AGK: variants seen among roughly 807,000 people sequenced by gnomAD.
AGK encodes acylglycerol kinase, mitochondrial.
Under a neutral mutation model 66.4 loss-of-function variants are expected in AGK, and 52 were observed. The ratio of observed to expected loss-of-function variants is 0.78; its 90% CI spans 0.63 to 0.99. The LOEUF (loss-of-function observed/expected upper bound fraction) is 0.99. AGK is among the 50% of genes least tolerant of loss of function. AGK has a pLI of 0.00. For synonymous variants in AGK, 182 were observed against 181.1 expected (o/e 1.00, Z -0.04); for missense variants, 451 against 506.6 (o/e 0.89, Z 1.05).
intron 10 of AGK, 120 bp from the exon 11 acceptor site, chr7:141,636,840 A>T: frequency 1.4e-6 from 1 of 740,000 alleles, no homozygotes; most frequent in Non-Finnish European, 2.2e-6. Context: ...CCTCCTAGCT[A>T]CCAGAATAGC....
intron 9 of AGK, among the ~76,000 whole-genome samples, chr7:141,623,027 A>G (rs1185446465): frequency 6.6e-6 from 1 of 152,258 alleles, no homozygotes; most frequent in East Asian, 1.9e-4. Flanking sequence ...CAAGTTGTGA[A>G]TGCAAAGGAA....
chr7:141,650,345 T>C (rs745576114), intron 14 of AGK: 9 of 182,528 alleles, frequency 4.9e-5, no homozygotes, highest in Non-Finnish European at 8.4e-5. Flanking sequence ...ACCAGCAATA[T>C]TCAAATCTCC....
chr7:141,641,411 G>A lies in AGK; in HGVS notation c.877+13G>A, dbSNP rs1797286530. On this transcript the variant is annotated intron_variant, in intron 12 of 15. Coordinates refer to ENST00000649286, the MANE Select transcript of AGK (RefSeq NM_018238.4). ...CAACCACAGGATGGTGAGCAATGTGGCGACTAAAGATTGGAGGGCCCTGGT... is the reference window on the plus strand; with the variant it reads ...CAACCACAGGATGGTGAGCAATGTGACGACTAAAGATTGGAGGGCCCTGGT... 1 of 1,605,126 alleles carries A rather than the reference G, an allele frequency of 6.2e-7. No homozygotes were observed.
intron 8 of AGK, among the ~76,000 whole-genome samples, chr7:141,617,094 A>G (rs1456658033): frequency 6.6e-6 from 1 of 151,926 alleles, no homozygotes; most frequent in Non-Finnish European, 1.5e-5. Context: ...AATTGCTCAC[A>G]TTTTTGCTTT....
chr7:141,611,232 T>C lies in AGK; in HGVS notation c.335T>C (p.Leu112Pro), dbSNP rs1280437036. Residue 112 changes from leucine (L) to proline (P), a missense_variant, in exon 6 of 16, where the codon CTG (leucine) becomes CCG (proline). Coordinates refer to ENST00000649286, the MANE Select transcript of AGK (RefSeq NM_018238.4). ...GGACAAGCCAAGAAACTCCTGGAAC[T>C]GATGGAAAACACGGATGTGATCATT... Reference protein sequence around the residue: ...YEGQAKKLLELMENTDVIIVA... With the variant: ...YEGQAKKLLEPMENTDVIIVA... 1 of 1,613,616 alleles carries C rather than the reference T, an allele frequency of 6.2e-7. No individual in the cohort carries two copies. Among genetic ancestry groups the C allele is most frequent in the South Asian group, 1.1e-5 (1 of 91,024 alleles).
chr7:141,614,330 T>A (rs1398915523), intron 7 of AGK, 152 bp downstream of exon 7: 5 of 544,830 alleles, frequency 9.2e-6, no homozygotes, highest in Non-Finnish European at 1.2e-5. Context: ...CTGCTACCCA[T>A]GTCATAGAAC....
intron 1 of AGK, among the ~76,000 whole-genome samples, chr7:141,552,916 A>G (rs372544176): frequency 1.3e-5 from 2 of 152,126 alleles, no homozygotes; most frequent in African/African-American, 2.4e-5. Context: ...CTCAGCCATG[A>G]ACCTAATTCT....
intron 8 of AGK, among the ~76,000 whole-genome samples, chr7:141,617,360 T>G (rs1319305124): frequency 1.3e-5 from 2 of 152,218 alleles, no homozygotes; most frequent in African/African-American, 4.8e-5. Context: ...AAACTACTAC[T>G]GTTGCTGCTG....
Position 141,630,818 on chromosome 7 carries a change from G to C in AGK, c.589-3083G>C, listed in dbSNP as rs571147843. Among the ~76,000 whole-genome samples, 5 of 152,244 alleles carry C rather than the reference G, an allele frequency of 3.3e-5. 1 individual carries two copies. The South Asian group carries it at 1.0e-3, about 32-fold the overall frequency. ...CACTGACAAGCAACAGAGGGGGTTG[G>C]GTAAACAAGATAATGAGGCTGTAAA... is the stretch of plus-strand genomic sequence containing the variant. On this transcript the variant is annotated intron_variant, in intron 9 of 15. Coordinates refer to ENST00000649286, the MANE Select transcript of AGK (RefSeq NM_018238.4).
At chr7:141,648,127 G>C (rs191858456) in intron 13 of AGK, among the ~76,000 whole-genome samples, 1 of 152,038 alleles carries the variant, frequency 6.6e-6, no homozygotes, top group Non-Finnish European at 1.5e-5. Flanking sequence ...GCTTCTCCAC[G>C]GGACCCCCTT....
chr7:141,555,460 C>G lies in AGK; in HGVS notation c.-7C>G, dbSNP rs1795187513. ...CCGCCTCTACTAACCTAGCAAATCT[C>G]TAGAAGATGACGGTGTTCTTTAAAA... On this transcript the variant is annotated 5_prime_UTR_variant, in exon 2 of 16. Transcript: ENST00000649286. The surrounding 1 kb of genome is among the most constrained non-coding windows in gnomAD (Gnocchi z 4.2). The G allele has an allele frequency of 1.2e-6, 2 of 1,611,510 alleles. No individual in the cohort carries two copies. The highest frequency in any genetic ancestry group is 8.5e-7 in the Non-Finnish European group (1 of 1,178,180).
intron 8 of AGK, among the ~76,000 whole-genome samples, chr7:141,620,760 T>C (rs1796806693): frequency 6.6e-6 from 1 of 152,116 alleles, no homozygotes; most frequent in Non-Finnish European, 1.5e-5. Flanking sequence ...TCACAATAAA[T>C]ATCAGAGAAA....
intron 8 of AGK, 130 bp from the exon 9 acceptor site, chr7:141,621,602 G>GA: frequency 1.5e-6 from 1 of 670,648 alleles, no homozygotes; most frequent in South Asian, 1.8e-5. Flanking sequence ...GGGGGAGAGA[G>GA]AGAGAGGGAG....
intron 5 of AGK, among the ~76,000 whole-genome samples, chr7:141,602,184 T>TGTGTGTGTGTGTGTGTGTGTGTGC (rs1796362603): frequency 6.7e-6 from 1 of 149,700 alleles, no homozygotes; most frequent in Non-Finnish European, 1.5e-5. Context: ...TGTGTGTGTG[T>TGTGTGTGTGTGTGTGTGTGTGTGC]GTGTGTGTGT....
intron 5 of AGK, among the ~76,000 whole-genome samples, chr7:141,603,561 G>A (rs1015891757): frequency 2.0e-5 from 3 of 152,020 alleles, no homozygotes; most frequent in African/African-American, 7.2e-5. Flanking sequence ...ATGAAAGCAG[G>A]ATATTGTAAA....
chr7:141,613,759 A>G (rs1796646414), intron 6 of AGK, among the ~76,000 whole-genome samples: 1 of 152,224 alleles, frequency 6.6e-6, no homozygotes, highest in African/African-American at 2.4e-5. Flanking sequence ...TGTTAAGTGC[A>G]CACTCTCTGA....
intron 9 of AGK, among the ~76,000 whole-genome samples, chr7:141,625,605 G>A (rs773070701): frequency 4.6e-5 from 7 of 152,002 alleles, no homozygotes; most frequent in African/African-American, 1.2e-4. Flanking sequence ...CAAGTAATTC[G>A]TCTACCTCAT....
chr7:141,589,322 A>G (rs891331249), intron 2 of AGK, among the ~76,000 whole-genome samples: 1 of 152,248 alleles, frequency 6.6e-6, no homozygotes, highest in African/African-American at 2.4e-5. Context: ...ACTTGGTACA[A>G]GGTAGTTGCT....
At chr7:141,601,348 C>A in intron 5 of AGK, 68 bp downstream of exon 5, 1 of 1,263,820 alleles carries the variant, frequency 7.9e-7, no homozygotes, top group Non-Finnish European at 1.1e-6. Context: ...CTTCTCTTGG[C>A]TTCTTAGCAA....
Sources: allele counts gnomAD v4.1 joint callset (sites outside exome capture counted in the v4.1 genomes callset), GRCh38; gene constraint gnomAD v4.1.1; non-coding constraint Gnocchi (gnomAD v3.1); transcripts MANE v1.5; gene names NCBI Gene and HGNC (gene_info 2026-07-23, HGNC 2026-07-21).